Variants in PDE4D observed in about 807,000 individuals in gnomAD.
PDE4D encodes the protein phosphodiesterase 4D, also known as 3',5'-cyclic-AMP phosphodiesterase 4D.
Under a neutral mutation model 87.4 loss-of-function variants are expected in PDE4D, and 24 were observed. The observed-to-expected ratio is 0.27, with a 90% CI of 0.20 to 0.39. The LOEUF (loss-of-function observed/expected upper bound fraction) is 0.39. PDE4D is among the 10% of genes least tolerant of loss of function. The pLI is 1.00. For missense variants in PDE4D, 714 were observed against 1,041.0 expected (o/e 0.69, Z 4.32); for synonymous variants, 384 against 383.2 (o/e 1.00, Z -0.02).
intron 5 of PDE4D, among the ~76,000 whole-genome samples, chr5:59,175,282 T>C (rs532879164): frequency 1.5e-4 from 23 of 152,152 alleles, no homozygotes; most frequent in Non-Finnish European, 2.8e-4. Flanking sequence ...ATGCCATGAC[T>C]GTGTGAAAAC....
intron 1 of PDE4D, among the ~76,000 whole-genome samples, chr5:59,453,319 G>T (rs1799437522): frequency 6.6e-6 from 1 of 152,102 alleles, no homozygotes; most frequent in Admixed American, 6.5e-5. Context: ...TTAATACAAT[G>T]ACCTCTAAGT....
rs184577114 is a variant in PDE4D at position 59,986,938 on chromosome 5, G to A, written c.272+1550C>T. On this transcript the variant is annotated intron_variant, in intron 3 of 16. Coordinates refer to the PDE4D transcript ENST00000502484. ...CAAGTGTTGTCTCAACTCATTACTG[G>A]AGGAATTAAGTGTATCTTGTCTTAC... 6 of 152,256 alleles carry A rather than the reference G, an allele frequency of 3.9e-5. No homozygotes were observed. The East Asian group carries it at 1.2e-3, about 29-fold the overall frequency. The allele number at this position is 152,256 out of a possible 1,614,324, so 9.4% of individuals were successfully genotyped here.
intron 5 of PDE4D, among the ~76,000 whole-genome samples, chr5:59,099,400 C>T (rs1333805027): frequency 6.6e-6 from 1 of 152,198 alleles, no homozygotes; most frequent in Non-Finnish European, 1.5e-5. Context: ...CTGGGTCAGA[C>T]CCTGTGACTC....
intron 1 of PDE4D, among the ~76,000 whole-genome samples, chr5:59,264,278 AC>A (rs1561840714): frequency 6.6e-6 from 1 of 152,052 alleles, no homozygotes; most frequent in Non-Finnish European, 1.5e-5. Context: ...ATTCGTAATT[AC>A]AAGTTGCCCA....
At chr5:59,590,007 C>T (rs1198658710) in intron 1 of PDE4D, among the ~76,000 whole-genome samples, 2 of 151,980 alleles carry the variant, frequency 1.3e-5, no homozygotes, top group African/African-American at 2.4e-5. Context: ...AAAGAAAAAA[C>T]TGTAATTTAT....
intron 1 of PDE4D, among the ~76,000 whole-genome samples, chr5:59,557,266 G>GTA (rs941438643): frequency 7.9e-5 from 12 of 152,104 alleles, no homozygotes; most frequent in Non-Finnish European, 1.6e-4. Context: ...AAGCAATGTT[G>GTA]TAACAACTAT....
chr5:59,771,431 G>GAA (rs1169720007), intron 1 of PDE4D, among the ~76,000 whole-genome samples: 1 of 82,762 alleles, frequency 1.2e-5, no homozygotes, highest in Admixed American at 1.4e-4. Flanking sequence ...GAAAGAAAAA[G>GAA]AAAAAGAAAG....
intron 3 of PDE4D, among the ~76,000 whole-genome samples, chr5:59,967,656 A>G (rs1244934885): frequency 2.0e-5 from 3 of 152,192 alleles, no homozygotes; most frequent in Admixed American, 2.0e-4. Flanking sequence ...TGGGAATGTA[A>G]ATTAGTCCAG....
At chr5:59,437,436 A>C (rs1312666256) in intron 1 of PDE4D, among the ~76,000 whole-genome samples, 1 of 152,220 alleles carries the variant, frequency 6.6e-6, no homozygotes, top group Non-Finnish European at 1.5e-5. Context: ...AGTGGAAAGA[A>C]TTAAAACACT....
At chr5:60,255,839 C>T (rs907653846) in intron 1 of PDE4D, among the ~76,000 whole-genome samples, 5 of 151,656 alleles carry the variant, frequency 3.3e-5, no homozygotes, top group African/African-American at 1.2e-4. Flanking sequence ...AAGGAATAAG[C>T]TTAAGAAAAC....
chr5:59,373,090 C>A (rs1784187064), intron 1 of PDE4D, among the ~76,000 whole-genome samples: 1 of 152,074 alleles, frequency 6.6e-6, no homozygotes, highest in Non-Finnish European at 1.5e-5. Context: ...AGAATCAGCA[C>A]AAGAACCCTG....
intron 1 of PDE4D, among the ~76,000 whole-genome samples, chr5:59,274,643 G>T (rs1433047900): frequency 6.6e-6 from 1 of 151,954 alleles, no homozygotes; most frequent in Non-Finnish European, 1.5e-5. Flanking sequence ...AGAAAAAAAA[G>T]TTACTTTGTT....
At chr5:59,602,491 T>A (rs1253703112) in intron 1 of PDE4D, among the ~76,000 whole-genome samples, 1 of 151,930 alleles carries the variant, frequency 6.6e-6, no homozygotes, top group Non-Finnish European at 1.5e-5. Context: ...ATTTTTAAAA[T>A]CCCATTTATA....
At chr5:60,452,883 G>A (rs903936623) in intron 1 of PDE4D, among the ~76,000 whole-genome samples, 7 of 152,038 alleles carry the variant, frequency 4.6e-5, no homozygotes, top group African/African-American at 1.4e-4. Flanking sequence ...GTAAAATGTG[G>A]CCAGATTTCT....
At chr5:59,846,824 T>A (rs190854318) in intron 1 of PDE4D, among the ~76,000 whole-genome samples, 1 of 152,012 alleles carries the variant, frequency 6.6e-6, no homozygotes, top group East Asian at 1.9e-4. Flanking sequence ...TCTTGGTAGG[T>A]GGGAATGTGA....
At chr5:59,992,657 T>G (rs1250240737) in intron 2 of PDE4D, among the ~76,000 whole-genome samples, 1 of 152,226 alleles carries the variant, frequency 6.6e-6, no homozygotes, top group Non-Finnish European at 1.5e-5. Flanking sequence ...TGAGGTTATC[T>G]GTTGAATGAC....
intron 1 of PDE4D, among the ~76,000 whole-genome samples, chr5:59,358,885 C>G (rs1163784938): frequency 1.3e-5 from 2 of 152,132 alleles, no homozygotes; most frequent in Non-Finnish European, 2.9e-5. Flanking sequence ...TCACTGATTT[C>G]TAATAAAAGC....
At chr5:60,521,617 G>A (rs1358216186) in intron 1 of PDE4D, 2 of 152,102 alleles carry the variant, frequency 1.3e-5, no homozygotes, top group African/African-American at 4.8e-5. Context: ...ACAGGGTGCT[G>A]TGAAGGAAGC....
chr5:59,096,934 C>T (rs1210505347), intron 5 of PDE4D, among the ~76,000 whole-genome samples: 2 of 152,132 alleles, frequency 1.3e-5, no homozygotes, highest in Non-Finnish European at 2.9e-5. Flanking sequence ...TGTGTAACAA[C>T]CACTTATTGG....
Sources: allele counts gnomAD v4.1 joint callset (sites outside exome capture counted in the v4.1 genomes callset), GRCh38; gene constraint gnomAD v4.1.1; transcripts MANE v1.5; gene names NCBI Gene and HGNC (gene_info 2026-07-23, HGNC 2026-07-21).